GSN: variants seen among roughly 807,000 people sequenced by gnomAD.
GSN encodes the protein gelsolin, also known as actin-depolymerizing factor.
A neutral mutation model predicts 85.7 loss-of-function variants in GSN; 56 were observed. The observed-to-expected ratio is 0.65, with a 90% CI of 0.53 to 0.82. GSN has a LOEUF of 0.82. Among genes scored for constraint, GSN ranks in the 40% least tolerant of loss-of-function variants. GSN has a pLI of 0.00. For missense variants in GSN, 857 were observed against 979.8 expected, an observed-to-expected ratio of 0.87 and a Z score of 1.67; for synonymous variants, 373 against 399.1, an observed-to-expected ratio of 0.93 and a Z score of 0.78.
At chr9:121,262,515 G>C (rs1009273753) in intron 6 of GSN, among the ~76,000 whole-genome samples, 2 of 152,206 alleles carry the variant, frequency 1.3e-5, no homozygotes, top group Non-Finnish European at 2.9e-5. Context: ...CATAGGGCCA[G>C]CTCTGTTAAG....
At chr9:121,235,368 G>C (rs755228343) in intron 5 of GSN, among the ~76,000 whole-genome samples, 4 of 152,100 alleles carry the variant, frequency 2.6e-5, no homozygotes, top group Non-Finnish European at 4.4e-5. Flanking sequence ...GAGAATTTTA[G>C]CTTCAGCTTG....
At chr9:121,223,656 A>ATAT (rs565833007) in intron 4 of GSN, among the ~76,000 whole-genome samples, 4,078 of 151,668 alleles carry the variant, frequency 0.027, 186 homozygotes, top group African/African-American at 0.093. Context: ...CTTTATAAGT[A>ATAT]TATTATTATT....
chr9:121,320,652 CAAAAAAAAA>C (rs564880956), intron 10 of GSN, among the ~76,000 whole-genome samples: 5 of 81,818 alleles, frequency 6.1e-5, no homozygotes. Context: ...TCTCAAAAAA[CAAAAAAAAA>C]AAAAAGAAAA....
intron 5 of GSN, among the ~76,000 whole-genome samples, chr9:121,247,928 A>G (rs2054735683): frequency 6.8e-6 from 1 of 147,450 alleles, no homozygotes; most frequent in South Asian, 2.1e-4. Flanking sequence ...CTCACCAATG[A>G]AGGCCATCCA....
Position 121,299,158 on chromosome 9 carries a change from CTT to C in GSN, c.-9-2802_-9-2801del, listed in dbSNP as rs2059505975. On this transcript the variant is annotated intron_variant, in intron 2 of 17. Coordinates refer to ENST00000432226, the MANE Select transcript of GSN (RefSeq NM_198252.3). The surrounding 1 kb of genome is among the most constrained non-coding windows in gnomAD (Gnocchi z 4.2). ...ACTTTACGTTTTGATCAAAATAAGA[CTT>C]TTAAAAAACAAACACTTTTTAAAAA... The C allele has an allele frequency of 4.4e-6, 1 of 227,754 alleles. No individual in the cohort carries two copies. Among genetic ancestry groups the C allele is most frequent in the Non-Finnish European group, 7.3e-6 (1 of 137,130 alleles). 14.1% of individuals were successfully genotyped at this position (227,754 alleles called of 1,614,324 possible).
At chr9:121,206,763 T>C (rs1208139182), upstream of GSN, among the ~76,000 whole-genome samples, 3 of 151,980 alleles carry the variant, frequency 2.0e-5, no homozygotes, top group Non-Finnish European at 4.4e-5. Context: ...TTTGTTTGTT[T>C]GTTTGTTTCG....
chr9:121,315,248 A>G lies in GSN; in HGVS notation c.753+1225A>G, dbSNP rs531888380. Among the ~76,000 whole-genome samples, 106 of 152,322 alleles carry G rather than the reference A, an allele frequency of 7.0e-4. 1 individual carries two copies. Among genetic ancestry groups the G allele is most frequent in the Non-Finnish European group, 1.3e-3 (89 of 68,012 alleles). Reference sequence around the variant, plus strand: ...AACATGGTCGGGAATATCTTTCTATAATAAATCTCAACACGACCCTTTATA... The same window carrying G: ...AACATGGTCGGGAATATCTTTCTATGATAAATCTCAACACGACCCTTTATA... On this transcript the variant is annotated intron_variant, in intron 7 of 17. Coordinates refer to ENST00000432226, the MANE Select transcript of GSN (RefSeq NM_198252.3).
chr9:121,310,968 G>C lies in GSN; in HGVS notation c.513+123G>C, dbSNP rs148694159. 9.5e-4 allele frequency: 795 copies of C among 832,890 alleles called. 11 individuals carry two copies. In the East Asian group the frequency reaches 0.019, roughly 20 times the overall value. 51.6% of individuals were successfully genotyped at this position (832,890 alleles called of 1,614,324 possible). ...TGGGCAAACCACAGGGACCAGCATT[G>C]TTCACGTACAGATATGTCTGTATGC... On this transcript the variant is annotated intron_variant, in intron 5 of 17. Coordinates refer to ENST00000432226, the MANE Select transcript of GSN (RefSeq NM_198252.3).
chr9:121,286,391 C>A (rs1399192977), intron 2 of GSN, among the ~76,000 whole-genome samples: 1 of 152,248 alleles, frequency 6.6e-6, no homozygotes, highest in African/African-American at 2.4e-5. Context: ...GCAGTCAGAC[C>A]CCTTCTCCCC....
At chr9:121,302,293 G>A in intron 3 of GSN, 126 bp downstream of exon 3, 1 of 1,098,728 alleles carries the variant, frequency 9.1e-7, no homozygotes, top group Non-Finnish European at 1.4e-6. Context: ...CTTGACTGGT[G>A]GTTCATGCCC....
intron 5 of GSN, chr9:121,239,020 A>T: frequency 6.0e-6 from 3 of 501,324 alleles, no homozygotes; most frequent in South Asian, 3.0e-5. Context: ...GTCCACATAG[A>T]TCTGTCCCAG....
At chr9:121,214,975 AC>A (rs2054034211) in intron 4 of GSN, among the ~76,000 whole-genome samples, 1 of 152,112 alleles carries the variant, frequency 6.6e-6, no homozygotes, top group Admixed American at 6.6e-5. Flanking sequence ...GTGTTCTCTC[AC>A]AGTTCTGGAG....
intron 6 of GSN, among the ~76,000 whole-genome samples, chr9:121,251,187 C>CTTTTTTTTTTTTTTTTT (rs58231680): frequency 0.036 from 2,609 of 73,008 alleles, 734 homozygotes; most frequent in African/African-American, 0.068. Flanking sequence ...CTGATGTGTT[C>CTTTTTTTTTTTTTTTTT]TTTTTTTTTT....
At chr9:121,225,313 G>A (rs551941269) in intron 4 of GSN, among the ~76,000 whole-genome samples, 1 of 152,284 alleles carries the variant, frequency 6.6e-6, no homozygotes, top group Admixed American at 6.5e-5. Flanking sequence ...AAAGACAAAA[G>A]GAGAATTCAC....
chr9:121,313,697 G>A, intron 6 of GSN: 1 of 583,080 alleles, frequency 1.7e-6, no homozygotes, highest in Non-Finnish European at 3.1e-6. Context: ...CTGTCTGGAG[G>A]CAGAGGAGCA....
At position 121,329,116 on chromosome 9, in the gene GSN, G is replaced by A; in HGVS notation, c.1887+101G>A. On this transcript the variant is annotated intron_variant, in intron 15 of 17. Transcript: ENST00000432226. The surrounding 1 kb of genome is among the most constrained non-coding windows in gnomAD (Gnocchi z 4.6). ...CAGGAGAAACAGTTCTGATGGTGTGGCACAGAGGAAGGGGCCCCCTGCCAG... is the reference window on the plus strand; with the variant it reads ...CAGGAGAAACAGTTCTGATGGTGTGACACAGAGGAAGGGGCCCCCTGCCAG... 6.4e-7 allele frequency: 1 copy of A among 1,550,714 alleles called. No individual in the cohort carries two copies. The highest frequency in any genetic ancestry group is 1.1e-5 in the South Asian group (1 of 88,684).
intron 2 of GSN, chr9:121,282,661 G>C (rs2057530214): frequency 2.1e-6 from 1 of 486,472 alleles, no homozygotes; most frequent in Non-Finnish European, 3.4e-6. Flanking sequence ...GCTATCCAAA[G>C]GTTCTGCTGA....
chr9:121,227,196 C>G (rs1305556425), intron 4 of GSN, among the ~76,000 whole-genome samples: 1 of 152,096 alleles, frequency 6.6e-6, no homozygotes, highest in South Asian at 2.1e-4. Context: ...GAGTTTGAGA[C>G]CAGCCTGGCC....
chr9:121,318,730 C>T lies in GSN; in HGVS notation c.1041C>T (p.Asp347=), dbSNP rs2062012052. 2 of 1,613,816 alleles carry T rather than the reference C, an allele frequency of 1.2e-6. No individual in the cohort carries two copies. Reference sequence around the variant, plus strand: ...AGCAGTTCTTCAAGAACTGGCGGGACCCAGACCAGACAGATGGCCTGGGCT... The same window carrying T: ...AGCAGTTCTTCAAGAACTGGCGGGATCCAGACCAGACAGATGGCCTGGGCT... ...LFKQFFKNWR[D]PDQTDGLGLS... is the part of the protein sequence containing the mutation. The change falls in exon 10 of 18, where the codon GAC becomes GAT. Residue 347 remains aspartate, a synonymous_variant. Coordinates refer to ENST00000432226, the MANE Select transcript of GSN (RefSeq NM_198252.3). The surrounding 1 kb of genome is among the most constrained non-coding windows in gnomAD (Gnocchi z 4.3).
Sources: allele counts gnomAD v4.1 joint callset (sites outside exome capture counted in the v4.1 genomes callset), GRCh38; gene constraint gnomAD v4.1.1; non-coding constraint Gnocchi (gnomAD v3.1); transcripts MANE v1.5; gene names NCBI Gene and HGNC (gene_info 2026-07-23, HGNC 2026-07-21).